Variants in PRDM10 observed in about 807,000 individuals in gnomAD.
The protein encoded by PRDM10 is PR domain zinc finger protein 10.
A neutral mutation model predicts 133.1 loss-of-function variants in PRDM10; 65 were observed. The ratio of observed to expected loss-of-function variants is 0.49; its 90% CI spans 0.40 to 0.60. PRDM10 has a LOEUF of 0.60. Ranked by LOEUF, PRDM10 falls within the 20% of genes least tolerant of loss-of-function variation. PRDM10 has a pLI of 0.00. For synonymous variants in PRDM10, 582 were observed against 580.4 expected (o/e 1.00, Z -0.04); for missense variants, 1,137 against 1,507.1 (o/e 0.75, Z 4.07).
At position 129,914,805 on chromosome 11, in the gene PRDM10, G is replaced by C. The variant is rs1160084979; in HGVS notation, c.2740C>G (p.Gln914Glu). The change falls in exon 17 of 21, where the codon CAA becomes GAA. Residue 914 changes from glutamine (Q) to glutamate (E), a missense_variant. Gln to Glu is a conservative substitution (Grantham distance 29). This residue lies in a region of PRDM10 where 113 missense variants were observed against 143.7 expected (regional missense o/e 0.79). Coordinates refer to ENST00000360871, the MANE Select transcript of PRDM10 (RefSeq NM_199437.2). ...TACTGAATTCTCTGGTAATCCCCTT[G>C]TGGCGTTCGGTAGTCTGTCGTTAAG... ...QTLTTDYRTPQGDYQRIQYIP... is the reference protein window; with the variant it reads ...QTLTTDYRTPEGDYQRIQYIP... The C allele has an allele frequency of 1.9e-6, 3 of 1,614,202 alleles. No individual in the cohort carries two copies. In the East Asian group the frequency reaches 6.7e-5, roughly 36 times the overall value.
At position 129,932,184 on chromosome 11, in the gene PRDM10, C is replaced by T. The variant is rs1950891582; in HGVS notation, c.1205G>A (p.Gly402Asp). 10 of 1,614,014 alleles carry T rather than the reference C, an allele frequency of 6.2e-6. No individual in the cohort carries two copies. The highest frequency in any genetic ancestry group is 2.7e-5 in the African/African-American group (2 of 74,906). ...RGRGKRRFGP[G>D]RRPGRPPKFI... ...TTTTGGAGGACGCCCCGGCCGTCGA[C>T]CTGGACCGAATCGCCTCTTGCCTCG... Residue 402 changes from glycine to aspartate, a missense_variant, in exon 10 of 21, where the codon GGT becomes GAT. Gly to Asp is a moderately conservative substitution (Grantham distance 94). Around this residue, in one of 6 missense-constraint regions of PRDM10, gnomAD observed 635 missense variants for 835.2 expected, o/e 0.76. Transcript: ENST00000360871.
In PRDM10 at chr11:129,918,660, T is replaced by C. The variant is rs1449976107; in HGVS notation, c.2093A>G (p.Lys698Arg). 2 of 1,614,100 alleles carry C rather than the reference T, an allele frequency of 1.2e-6. No homozygotes were observed. Among genetic ancestry groups the C allele is most frequent in the Non-Finnish European group, 1.7e-6 (2 of 1,180,020 alleles). Residue 698 changes from lysine (K) to arginine (R), a missense_variant, in exon 14 of 21, where the codon AAG becomes AGG. Physicochemically the swap from Lys to Arg is conservative, Grantham distance 26. This residue lies in a region of PRDM10 where 78 missense variants were observed against 96.4 expected (regional missense o/e 0.81). Coordinates refer to ENST00000360871, the MANE Select transcript of PRDM10 (RefSeq NM_199437.2). This position sits in a 1 kb window ranked among gnomAD's most constrained non-coding sequence, Gnocchi z 5.3. ...QRMHNPEREAKKADRISRSKT... is the reference protein window; with the variant it reads ...QRMHNPEREARKADRISRSKT... ...GGAGCGGCTGATGCGGTCGGCTTTC[T>C]TGGCCTCCCTCTCAGGATTATGCAT...
chr11:129,921,546 AAG>A (rs982548359), intron 13 of PRDM10, among the ~76,000 whole-genome samples: 2 of 152,208 alleles, frequency 1.3e-5, no homozygotes, highest in Non-Finnish European at 2.9e-5. Flanking sequence ...AGAGCTATTT[AAG>A]AGTTTTTCAG....
At chr11:129,925,702 CAAAA>C (rs1450662878) in intron 11 of PRDM10, among the ~76,000 whole-genome samples, 1 of 129,320 alleles carries the variant, frequency 7.7e-6, no homozygotes, top group Non-Finnish European at 1.6e-5. Context: ...TTAGCAAAAA[CAAAA>C]CAAACAAACA....
At position 129,912,226 on chromosome 11, in the gene PRDM10, C is replaced by A; in HGVS notation, c.2842-1G>T. The A allele has an allele frequency of 6.4e-7, 1 of 1,553,278 alleles. No individual in the cohort carries two copies. The highest frequency in any genetic ancestry group is 1.9e-5 in the Admixed American group (1 of 51,548). On this transcript the variant is annotated splice_acceptor_variant, in intron 17 of 20. Coordinates refer to ENST00000360871, the MANE Select transcript of PRDM10 (RefSeq NM_199437.2). LOFTEE classifies it high-confidence loss of function. ...GCTGTGACTGGTGAGGGGAAGTGGC[C>A]TGGAAGGAGAAAAAACAGGCCCAGA... is the stretch of plus-strand genomic sequence containing the variant.
intron 4 of PRDM10, among the ~76,000 whole-genome samples, chr11:129,954,259 TTTATTTA>T (rs1312323571): frequency 1.6e-5 from 2 of 126,926 alleles, no homozygotes; most frequent in East Asian, 6.5e-4. Flanking sequence ...TTTAATTTAA[TTTATTTA>T]TTTTTTTTTT....
Position 129,931,278 on chromosome 11 carries a change from G to C in PRDM10, c.1288-20C>G, listed in dbSNP as rs755510883. 1 of 1,611,478 alleles carries C rather than the reference G, an allele frequency of 6.2e-7. No homozygotes were observed. The highest frequency in any genetic ancestry group is 1.1e-5 in the South Asian group (1 of 90,894). Reference sequence around the variant, plus strand: ...CAAGTCCTGAAATTTGCAATAACCAGGAATAGAGATCAGTGCCGGAGGGAC... The same window carrying C: ...CAAGTCCTGAAATTTGCAATAACCACGAATAGAGATCAGTGCCGGAGGGAC... On this transcript the variant is annotated intron_variant, in intron 10 of 20. Coordinates refer to ENST00000360871, the MANE Select transcript of PRDM10 (RefSeq NM_199437.2).
chr11:129,962,737 T>C (rs1565497875), intron 1 of PRDM10, among the ~76,000 whole-genome samples: 1 of 152,218 alleles, frequency 6.6e-6, no homozygotes, highest in African/African-American at 2.4e-5. Flanking sequence ...TTTTAAAGCA[T>C]ACCTTCCTTA....
At chr11:129,915,956 G>C in intron 15 of PRDM10, 96 bp from the exon 16 acceptor site, 3 of 1,192,716 alleles carry the variant, frequency 2.5e-6, no homozygotes, top group Non-Finnish European at 3.5e-6. Flanking sequence ...ATGAGGAAAA[G>C]TATTCATGTA....
At chr11:129,917,324 G>A (rs1950388903) in intron 14 of PRDM10, 87 bp from the exon 15 acceptor site, 1 of 996,204 alleles carries the variant, frequency 1.0e-6, no homozygotes, top group African/African-American at 1.6e-5. Flanking sequence ...ATGACCGCCA[G>A]AAGCTGGAAT....
chr11:129,989,853 G>A (rs982596569), intron 1 of PRDM10, among the ~76,000 whole-genome samples: 3 of 152,074 alleles, frequency 2.0e-5, no homozygotes, highest in African/African-American at 7.2e-5. Flanking sequence ...TACGACTCCT[G>A]AAACATACAG....
intron 4 of PRDM10, among the ~76,000 whole-genome samples, chr11:129,950,763 G>A (rs916874937): frequency 1.2e-4 from 19 of 152,134 alleles, no homozygotes; most frequent in Admixed American, 3.3e-4. Context: ...TCATAAACTC[G>A]CTCTGCAGAG....
chr11:129,913,144 G>C (rs1950242870), intron 17 of PRDM10, among the ~76,000 whole-genome samples: 1 of 151,072 alleles, frequency 6.6e-6, no homozygotes, highest in African/African-American at 2.4e-5. Context: ...TCTGAGCCTG[G>C]GAGGCGGAGG....
Position 129,915,616 on chromosome 11 carries a change from G to A in PRDM10, c.2526+44C>T, listed in dbSNP as rs111702403. ...GCCACCTTTCCTTAAGAGATTCCTCGCATGGCGGTTTTGACCTTAGCTTTA... is the reference window on the plus strand; with the variant it reads ...GCCACCTTTCCTTAAGAGATTCCTCACATGGCGGTTTTGACCTTAGCTTTA... On this transcript the variant is annotated intron_variant, in intron 16 of 20. Transcript: ENST00000360871. 2,066 of 1,518,774 alleles carry A rather than the reference G, an allele frequency of 1.4e-3. 6 individuals are homozygous for A. The highest frequency in any genetic ancestry group is 5.8e-3 in the African/African-American group (414 of 71,854). The allele number at this position is 1,518,774 out of a possible 1,614,324, so 94.1% of individuals were successfully genotyped here.
chr11:129,934,549 T>A (rs539118653), intron 9 of PRDM10, among the ~76,000 whole-genome samples: 1 of 152,034 alleles, frequency 6.6e-6, no homozygotes, highest in African/African-American at 2.4e-5. Context: ...CCAAAATGGT[T>A]TTCAAAAAAA....
intron 9 of PRDM10, among the ~76,000 whole-genome samples, chr11:129,933,237 T>G (rs12283013): frequency 0.59 from 90,402 of 152,090 alleles, 29,672 homozygotes; most frequent in African/African-American, 0.89. Flanking sequence ...CAGGAACTTT[T>G]AAAAGACTCT....
At chr11:129,922,192 G>C (rs1950540902) in intron 13 of PRDM10, among the ~76,000 whole-genome samples, 1 of 152,170 alleles carries the variant, frequency 6.6e-6, no homozygotes, top group Admixed American at 6.5e-5. Flanking sequence ...GAAAGTAAAA[G>C]AGAAAATGAA....
chr11:129,927,002 T>G (rs1028226465), intron 11 of PRDM10, among the ~76,000 whole-genome samples: 4 of 151,950 alleles, frequency 2.6e-5, no homozygotes, highest in African/African-American at 7.3e-5. Context: ...GGTCAGGAGT[T>G]TGAGACCAGC....
intron 1 of PRDM10, among the ~76,000 whole-genome samples, chr11:129,985,706 C>G (rs1205427984): frequency 1.4e-5 from 2 of 140,550 alleles, no homozygotes; most frequent in Non-Finnish European, 3.0e-5. Flanking sequence ...ATCACTTGAG[C>G]CTGGGAGGCA....
Sources: gnomAD v4.1 joint callset for allele counts (sites outside exome capture counted in the v4.1 genomes callset) on GRCh38, gnomAD v4.1.1 for gene constraint, gnomAD v4.1.1 regional missense constraint, Gnocchi (gnomAD v3.1) non-coding constraint, MANE v1.5 for transcripts, NCBI Gene and HGNC (gene_info 2026-07-23, HGNC 2026-07-21) for gene names.